The following BTG3 variants were observed in gnomAD, a reference collection of about 807,000 sequenced individuals.
The protein encoded by BTG3 is BTG anti-proliferation factor 3.
Under a neutral mutation model 25.8 loss-of-function variants are expected in BTG3, and 4 were observed. The observed-to-expected ratio is 0.16, with a 90% CI of 0.08 to 0.36. The LOEUF is 0.36. Ranked by LOEUF, BTG3 falls within the 10% of genes least tolerant of loss-of-function variation. BTG3 has a pLI of 1.00. For missense variants in BTG3, 201 were observed against 304.9 expected (o/e 0.66, Z 2.54); for synonymous variants, 107 against 99.9 (o/e 1.07, Z -0.42).
rs1397575325 is a variant in BTG3 at position 17,609,040 on chromosome 21, G to T, written c.105C>A (p.Thr35=). The change falls in exon 2 of 5, where the codon ACC becomes ACA. Residue 35 remains threonine (T), a synonymous_variant. Transcript: ENST00000348354. ...EAVERFAEKL[T]LILQEKYKNH... ...TTTTATATTTTTCTTGAAGTATTAGGGTCAATTTCTCAGCAAACCTCTCAA... is the reference window on the plus strand; with the variant it reads ...TTTTATATTTTTCTTGAAGTATTAGTGTCAATTTCTCAGCAAACCTCTCAA... The T allele has an allele frequency of 1.9e-6, 3 of 1,613,758 alleles. No homozygotes were observed. Among genetic ancestry groups the T allele is most frequent in the Non-Finnish European group, 2.5e-6 (3 of 1,179,894 alleles).
At position 17,604,171 on chromosome 21, in the gene BTG3, C is replaced by T. The variant is rs184236047; in HGVS notation, c.311+689G>A. The T allele has an allele frequency of 5.9e-5, 75 of 1,273,964 alleles. 1 individual carries two copies. The East Asian group carries it at 2.9e-3, about 49-fold the overall frequency. The allele number at this position is 1,273,964 out of a possible 1,614,324, so 78.9% of individuals were successfully genotyped here. A position where few individuals can be genotyped will look rare whatever the true frequency, so the allele number is the denominator to read the frequency against. On this transcript the variant is annotated intron_variant, in intron 3 of 4. Transcript: ENST00000348354. The stretch of plus-strand genomic sequence containing the variant: ...TAATCAAAAAGGAGGAGGCCGGGCG[C>T]AGTGGCTCACGCCTGTAATCCAGCG...
intron 4 of BTG3, among the ~76,000 whole-genome samples, chr21:17,597,155 T>A (rs1161327903): frequency 6.6e-6 from 1 of 152,090 alleles, no homozygotes; most frequent in Non-Finnish European, 1.5e-5. Flanking sequence ...TACCTTTCTG[T>A]TATCCTAATA....
intron 3 of BTG3, among the ~76,000 whole-genome samples, chr21:17,599,356 C>T (rs576381530): frequency 1.3e-5 from 2 of 151,970 alleles, no homozygotes; most frequent in Non-Finnish European, 2.9e-5. Flanking sequence ...AATTTATATA[C>T]ATTTTTAGAG....
chr21:17,593,803 TAC>T lies in BTG3; in HGVS notation c.*288_*289del, dbSNP rs1277478847. Reference sequence around the variant, plus strand: ...GGTGCTAGAACAAATCGTCCACTTCTACAGTGTTCTCGTATCCAACAGAGTTG... The same window carrying T: ...GGTGCTAGAACAAATCGTCCACTTCTAGTGTTCTCGTATCCAACAGAGTTG... On this transcript the variant is annotated 3_prime_UTR_variant, in exon 5 of 5. Transcript: ENST00000348354. 6.2e-6 allele frequency: 2 copies of T among 324,434 alleles called. No individual in the cohort carries two copies. The highest frequency in any genetic ancestry group is 1.1e-5 in the Non-Finnish European group (2 of 179,208). The allele number at this position is 324,434 out of a possible 1,614,324, so 20.1% of individuals were successfully genotyped here. A position where few individuals can be genotyped will look rare whatever the true frequency, so the allele number is the denominator to read the frequency against.
Position 17,598,745 on chromosome 21 carries a change from C to CT in BTG3, c.390dup (p.Val131SerfsTer6). On this transcript the variant is annotated frameshift_variant, in exon 4 of 5. Coordinates refer to ENST00000348354, the MANE Select transcript of BTG3 (RefSeq NM_006806.5). LOFTEE classifies it high-confidence loss of function. ...GTAACCTTATCAAGGGCCCTGGTAA[C>CT]TTTCCTGGAGATCTCATCCTTGTTC... 1.2e-6 allele frequency: 2 copies of CT among 1,614,184 alleles called. No individual in the cohort carries two copies.
intron 1 of BTG3, among the ~76,000 whole-genome samples, chr21:17,611,053 G>A (rs933901894): frequency 9.2e-5 from 14 of 152,284 alleles, no homozygotes; most frequent in South Asian, 8.3e-4. Flanking sequence ...CAGGCACCGG[G>A]CATGGGTCCA....
chr21:17,611,711 C>A (rs1488046486), intron 1 of BTG3: 1 of 152,252 alleles, frequency 6.6e-6, no homozygotes, highest in East Asian at 1.9e-4. Flanking sequence ...CATCCTGGGA[C>A]CTCGTCACCG....
At position 17,609,100 on chromosome 21, in the gene BTG3, T is replaced by A. The variant is rs1277813462; in HGVS notation, c.45A>T (p.Leu15=). 1.9e-6 allele frequency: 3 copies of A among 1,613,712 alleles called. No individual in the cohort carries two copies. The highest frequency in any genetic ancestry group is 2.7e-5 in the African/African-American group (2 of 74,928). The part of the protein sequence containing the change: ...IAAVVFFFTR[L]VRKHDKLKKE... The stretch of plus-strand genomic sequence containing the variant: ...TTTTCAACTTATCATGTTTTCGAAC[T>A]AGCCTTGTGAAAAAGAAGACAACGG... The change falls in exon 2 of 5, where the codon CTA becomes CTT. Residue 15 remains leucine (L), a synonymous_variant. Transcript: ENST00000348354.
chr21:17,602,157 C>T (rs1376028918), intron 3 of BTG3, among the ~76,000 whole-genome samples: 1 of 150,292 alleles, frequency 6.7e-6, no homozygotes, highest in Non-Finnish European at 1.5e-5. Context: ...GCAGAAATCA[C>T]CAAAAAAAAA....
Position 17,604,852 on chromosome 21 carries a change from G to A in BTG3, c.311+8C>T. The A allele has an allele frequency of 6.2e-7, 1 of 1,610,954 alleles. No individual in the cohort carries two copies. The highest frequency in any genetic ancestry group is 8.5e-7 in the Non-Finnish European group (1 of 1,178,720). ...TCATCAGTTCAGCCTCTAAACTTGA[G>A]AACTCACCGACAGCACACCTCACAT... On this transcript the variant is annotated splice_region_variant and intron_variant, in intron 3 of 4. Coordinates refer to ENST00000348354, the MANE Select transcript of BTG3 (RefSeq NM_006806.5).
intron 2 of BTG3, chr21:17,608,696 C>CAG: frequency 3.0e-6 from 1 of 333,048 alleles, no homozygotes; most frequent in Non-Finnish European, 5.4e-6. Context: ...TTGTGATAAA[C>CAG]AGAAATGCAC....
At position 17,608,989 on chromosome 21, in the gene BTG3, C is replaced by A; in HGVS notation, c.156G>T (p.Ser52=). 1 of 1,613,274 alleles carries A rather than the reference C, an allele frequency of 6.2e-7. No individual in the cohort carries two copies. The highest frequency in any genetic ancestry group is 8.5e-7 in the Non-Finnish European group (1 of 1,179,824). The change falls in exon 2 of 5, where the codon TCG becomes TCT. Residue 52 remains serine, a synonymous_variant. Transcript: ENST00000348354. ...YKNHWYPEKP[S]KGQAYRCIRV... is the part of the protein sequence containing the mutation. ...TCCTTTACCTGTAGGCCTGTCCTTT[C>A]GATGGTTTTTCTGGATACCAGTGAT...
At chr21:17,599,887 C>CT (rs1461068149) in intron 3 of BTG3, among the ~76,000 whole-genome samples, 2 of 152,054 alleles carry the variant, frequency 1.3e-5, no homozygotes, top group East Asian at 3.9e-4. Flanking sequence ...AAAAGGGGGC[C>CT]TGTTATTTAT....
intron 1 of BTG3, chr21:17,611,795 G>A (rs1427270655): frequency 6.6e-6 from 1 of 152,206 alleles, no homozygotes; most frequent in Non-Finnish European, 1.5e-5. Flanking sequence ...AAAACCCAAA[G>A]GGAATCCAGA....
Position 17,593,988 on chromosome 21 carries a change from C to T in BTG3, c.*105G>A, listed in dbSNP as rs2061469526. ...TATAAAAATAAGTTTGATGGTTTGG[C>T]CCATCTAACTTCACTACTATTAGTA... On this transcript the variant is annotated 3_prime_UTR_variant, in exon 5 of 5. Transcript: ENST00000348354. 2.3e-6 allele frequency: 3 copies of T among 1,316,432 alleles called. No individual in the cohort carries two copies. The South Asian group carries it at 4.9e-5, about 22-fold the overall frequency. 81.5% of individuals were successfully genotyped at this position (1,316,432 alleles called of 1,614,324 possible).
intron 1 of BTG3, among the ~76,000 whole-genome samples, chr21:17,611,404 A>G (rs1249165606): frequency 1.3e-5 from 2 of 152,216 alleles, no homozygotes; most frequent in Non-Finnish European, 2.9e-5. Flanking sequence ...TCATATAAAA[A>G]AATAGAAAAG....
intron 3 of BTG3, among the ~76,000 whole-genome samples, chr21:17,600,695 A>G (rs940300932): frequency 2.0e-5 from 3 of 152,140 alleles, no homozygotes; most frequent in African/African-American, 7.2e-5. Context: ...TTAAAAAAAC[A>G]GAAAAGAAAA....
intron 1 of BTG3, among the ~76,000 whole-genome samples, chr21:17,610,517 A>T (rs1242243646): frequency 2.6e-5 from 4 of 152,204 alleles, no homozygotes. Context: ...ATAATCAGAG[A>T]TTTAGCTACA....
intron 2 of BTG3, chr21:17,608,693 A>C (rs1403229552): frequency 3.0e-6 from 1 of 331,408 alleles, no homozygotes; most frequent in African/African-American, 2.1e-5. Context: ...TATTTGTGAT[A>C]AACAGAAATG....
Sources: gnomAD v4.1 joint callset for allele counts (sites outside exome capture counted in the v4.1 genomes callset) on GRCh38, gnomAD v4.1.1 for gene constraint, MANE v1.5 for transcripts, NCBI Gene and HGNC (gene_info 2026-07-23, HGNC 2026-07-21) for gene names.